FGF13: variants seen among roughly 807,000 people sequenced by gnomAD.
FGF13 encodes the protein fibroblast growth factor homologous factor 2.
FGF13 carries 2 observed loss-of-function variants against 19.5 expected under a neutral mutation model. The ratio of observed to expected loss-of-function variants is 0.10; its 90% confidence interval spans 0.04 to 0.32. FGF13 has a LOEUF of 0.32. Among genes scored for constraint, FGF13 ranks in the 10% least tolerant of loss-of-function variants. The probability of loss-of-function intolerance (pLI) is 1.00; values close to 1 mark genes in which losing one functional copy is unlikely to be tolerated. For missense variants in FGF13, 113 were observed against 192.7 expected (o/e 0.59, Z 2.45); for synonymous variants, 72 against 76.9 (o/e 0.94, Z 0.33).
At chrX:139,117,199 G>T in intron 1 of FGF13, among the ~76,000 whole-genome samples, 1 of 111,454 alleles carries the variant, frequency 9.0e-6, no homozygotes, top group Non-Finnish European at 1.9e-5. Context: ...AATATCTGGA[G>T]GCATTTTTAT....
At chrX:138,636,152 A>T (rs1043372478) in intron 3 of FGF13, among the ~76,000 whole-genome samples, 2 of 112,451 alleles carry the variant, frequency 1.8e-5, no homozygotes, top group Admixed American at 1.9e-4. Flanking sequence ...TTCTAAAAGA[A>T]TGCTACAAAG....
At chrX:138,686,722 A>G (rs2089786667) in intron 3 of FGF13, among the ~76,000 whole-genome samples, 3 of 111,779 alleles carry the variant, frequency 2.7e-5, no homozygotes, top group Non-Finnish European at 3.8e-5. Context: ...ATCATATTAA[A>G]GGAGTGACTC....
chrX:138,924,180 C>A (rs950874795), intron 1 of FGF13, among the ~76,000 whole-genome samples: 3 of 112,078 alleles, frequency 2.7e-5, no homozygotes, highest in Non-Finnish European at 3.8e-5. Context: ...TATTGGCTCA[C>A]ATATGGGATG....
At chrX:138,945,628 T>C in intron 1 of FGF13, among the ~76,000 whole-genome samples, 1 of 111,421 alleles carries the variant, frequency 9.0e-6, no homozygotes. Context: ...TCTTGGTGAG[T>C]ATGTGTTCAA....
At chrX:138,725,560 G>A (rs1208797218) in intron 1 of FGF13, among the ~76,000 whole-genome samples, 1 of 111,408 alleles carries the variant, frequency 9.0e-6, no homozygotes, top group Non-Finnish European at 1.9e-5. Context: ...TAAGCAGTAC[G>A]GTAAGATTTT....
intron 1 of FGF13, among the ~76,000 whole-genome samples, chrX:138,866,260 T>G (rs2091322309): frequency 8.9e-6 from 1 of 112,636 alleles, no homozygotes; most frequent in African/African-American, 3.2e-5. Context: ...GGCTTGGGCC[T>G]TAGTAGTTTA....
Position 138,711,041 on chromosome X carries a change from CCT to C in FGF13, c.-40_-39del. On this transcript the variant is annotated 5_prime_UTR_variant, in exon 1 of 5. Transcript: ENST00000315930. ...CACCACCACCGCTTCTTTTGCTGCC[CCT>C]CTCTGGGTTCGCCTCCTCCTCCTTC... The C allele has an allele frequency of 9.1e-6, 11 of 1,202,355 alleles. No homozygotes were observed. Among genetic ancestry groups the C allele is most frequent in the Non-Finnish European group, 1.2e-5 (11 of 892,136 alleles).
chrX:138,629,704 A>C lies in FGF13; in HGVS notation c.*3146T>G, dbSNP rs2089096941. 9.0e-6 allele frequency: 1 copy of C among 111,362 alleles called. No individual in the cohort carries two copies. Among genetic ancestry groups the C allele is most frequent in the Admixed American group, 9.6e-5 (1 of 10,400 alleles). 9.2% of individuals were successfully genotyped at this position (111,362 alleles called of 1,213,427 possible). On this transcript the variant is annotated 3_prime_UTR_variant, in exon 5 of 5. Transcript: ENST00000315930. ...GTAGTATCTTTATAGCAGCGTGAGA[A>C]TGAACTAATACCAGTGGTTCTCAAA...
chrX:139,158,031 G>A (rs191925393), intron 1 of FGF13, among the ~76,000 whole-genome samples: 140 of 111,874 alleles, frequency 1.3e-3, no homozygotes, highest in Non-Finnish European at 2.4e-3. Context: ...CCTAGCCAAT[G>A]GAAGCCCTGA....
At chrX:139,182,003 G>A (rs1474370413) in intron 1 of FGF13, among the ~76,000 whole-genome samples, 1 of 110,418 alleles carries the variant, frequency 9.1e-6, no homozygotes, top group Non-Finnish European at 1.9e-5. Context: ...GCAGACTATT[G>A]TTTTAGACAG....
At chrX:139,013,477 TTTTATATATATATATATATATATATA>T (rs2092138474) in intron 1 of FGF13, among the ~76,000 whole-genome samples, 2 of 64,735 alleles carry the variant, frequency 3.1e-5, no homozygotes, top group African/African-American at 1.4e-4. Context: ...ATAAAGAAAA[TTTTATATATATATATATATATATATA>T]TATATATATA....
At position 138,688,125 on chromosome X, in the gene FGF13, T is replaced by G. The variant is rs760217862; in HGVS notation, c.402+14859A>C. 1.4e-3 allele frequency among the ~76,000 whole-genome samples: 155 copies of G among 108,962 alleles called. 1 individual carries two copies. The highest frequency in any genetic ancestry group is 4.9e-3 in the African/African-American group (146 of 29,911). 94.6% of individuals were successfully genotyped at this position (108,962 alleles called of 115,157 possible). On this transcript the variant is annotated intron_variant, in intron 3 of 4. Transcript: ENST00000315930. The stretch of plus-strand genomic sequence containing the variant: ...TGCGTGCCACCATGCCCGGCTAATT[T>G]TTTGTATTTTTTTTTTTTTAGTAGA...
chrX:139,020,858 A>C (rs1185144705), intron 1 of FGF13, among the ~76,000 whole-genome samples: 2 of 111,247 alleles, frequency 1.8e-5, no homozygotes, highest in South Asian at 3.8e-4. Context: ...TAAAAGAGTT[A>C]GTAATGACAT....
At chrX:139,193,446 C>T (rs1300775223) in intron 1 of FGF13, among the ~76,000 whole-genome samples, 1 of 111,634 alleles carries the variant, frequency 9.0e-6, no homozygotes, top group Non-Finnish European at 1.9e-5. Context: ...TCCTTGAAGA[C>T]ATTCCAGTCT....
chrX:139,028,532 A>G (rs1202100134), intron 1 of FGF13, among the ~76,000 whole-genome samples: 2 of 109,403 alleles, frequency 1.8e-5, no homozygotes, highest in Admixed American at 9.8e-5. Flanking sequence ...TAGGTCCTGA[A>G]AAGGTCCACC....
At chrX:139,126,328 C>G (rs1271711147) in intron 1 of FGF13, among the ~76,000 whole-genome samples, 2 of 111,724 alleles carry the variant, frequency 1.8e-5, no homozygotes, top group African/African-American at 3.3e-5. Flanking sequence ...TTTAGGAAAC[C>G]TTCCCAGACC....
chrX:139,155,690 TAGCTCC>T (rs1302868802), intron 1 of FGF13, among the ~76,000 whole-genome samples: 1 of 112,277 alleles, frequency 8.9e-6, no homozygotes, highest in Non-Finnish European at 1.9e-5. Flanking sequence ...CACAGGAGAC[TAGCTCC>T]AGCAGTCTTC....
At chrX:138,911,919 A>G (rs953669926) in intron 1 of FGF13, among the ~76,000 whole-genome samples, 14 of 112,175 alleles carry the variant, frequency 1.2e-4, no homozygotes, top group African/African-American at 4.2e-4. Flanking sequence ...TCCAATACAT[A>G]TCGTAACAGA....
At chrX:138,665,907 A>C (rs1375089899) in intron 3 of FGF13, among the ~76,000 whole-genome samples, 2 of 111,185 alleles carry the variant, frequency 1.8e-5, no homozygotes, top group African/African-American at 6.5e-5. Context: ...GGGAGCAATA[A>C]TGCCATCAAC....
Sources: gnomAD v4.1 joint callset for allele counts (sites outside exome capture counted in the v4.1 genomes callset) on GRCh38, gnomAD v4.1.1 for gene constraint, MANE v1.5 for transcripts, NCBI Gene and HGNC (gene_info 2026-07-23, HGNC 2026-07-21) for gene names.